The following VPS13B variants were observed in gnomAD, a reference collection of about 807,000 sequenced individuals.
The protein encoded by VPS13B is intermembrane lipid transfer protein VPS13B.
Under a neutral mutation model 426.4 loss-of-function variants are expected in VPS13B, and 285 were observed. That is an observed-to-expected ratio of 0.67 (90% CI 0.61 to 0.74). VPS13B has a LOEUF of 0.74. Among genes scored for constraint, VPS13B ranks in the 30% least tolerant of loss-of-function variants. The probability of loss-of-function intolerance (pLI) is 0.00; values close to 1 mark genes in which losing one functional copy is unlikely to be tolerated. For synonymous variants in VPS13B, 1,676 were observed against 1,676.4 expected, an observed-to-expected ratio of 1.00 and a Z score of 0.01; for missense variants, 4,537 against 4,782.6, an observed-to-expected ratio of 0.95 and a Z score of 1.51.
At chr8:99,355,613 A>G (rs1240605786) in intron 19 of VPS13B, among the ~76,000 whole-genome samples, 1 of 152,040 alleles carries the variant, frequency 6.6e-6, no homozygotes. Context: ...CCAACCAACA[A>G]AAAACCCTAC....
chr8:99,533,035 G>C (rs1437402889), intron 30 of VPS13B, among the ~76,000 whole-genome samples: 2 of 150,896 alleles, frequency 1.3e-5, no homozygotes, highest in Non-Finnish European at 3.0e-5. Flanking sequence ...CACCTCCCGG[G>C]TTCAAGCGAT....
Position 99,544,766 on chromosome 8 carries a change from A to G in VPS13B, c.4746-11684A>G, listed in dbSNP as rs868287242. Among the ~76,000 whole-genome samples, 3 of 152,166 alleles carry G rather than the reference A, an allele frequency of 2.0e-5. 1 individual carries two copies. In the South Asian group the frequency reaches 6.2e-4, roughly 32 times the overall value. On this transcript the variant is annotated intron_variant, in intron 30 of 61. Transcript: ENST00000357162. ...CACAAGAGGTTTATATCAACTTAAA[A>G]TCCCCAGATAATTTTCAACTTGTTT...
chr8:99,565,052 T>G (rs965600282), intron 31 of VPS13B, among the ~76,000 whole-genome samples: 4 of 152,172 alleles, frequency 2.6e-5, no homozygotes, highest in African/African-American at 9.6e-5. Context: ...ATACTAGTGC[T>G]TTAGGGGGAG....
intron 36 of VPS13B, among the ~76,000 whole-genome samples, chr8:99,706,228 T>C (rs1488174316): frequency 6.6e-6 from 1 of 152,108 alleles, no homozygotes; most frequent in Non-Finnish European, 1.5e-5. Context: ...AAATAATAAA[T>C]GTTCCTGGAT....
chr8:99,442,501 A>G lies in VPS13B; in HGVS notation c.3311A>G (p.Tyr1104Cys), dbSNP rs1817724451. 1 of 1,614,000 alleles carries G rather than the reference A, an allele frequency of 6.2e-7. No individual in the cohort carries two copies. The highest frequency in any genetic ancestry group is 1.3e-5 in the African/African-American group (1 of 75,036). ...ATTCCTGGAACAGTAAGAAGTTGGT[A>G]CCATGGACAAACCAGCATGCCGGGA... Reference protein sequence around the residue: ...GDIPGTVRSWYHGQTSMPGTL... With the variant: ...GDIPGTVRSWCHGQTSMPGTL... The change falls in exon 23 of 62, where the codon TAC becomes TGC. Residue 1104 changes from tyrosine (Y) to cysteine (C), a missense_variant. Coordinates refer to ENST00000357162, the MANE Select transcript of VPS13B (RefSeq NM_152564.5).
intron 43 of VPS13B, among the ~76,000 whole-genome samples, chr8:99,806,739 T>C (rs1471688204): frequency 6.6e-6 from 1 of 152,208 alleles, no homozygotes; most frequent in Non-Finnish European, 1.5e-5. Context: ...AAAATAGGTA[T>C]GCAAGTATTT....
chr8:99,723,043 A>G (rs934769315), intron 39 of VPS13B, among the ~76,000 whole-genome samples: 3 of 152,218 alleles, frequency 2.0e-5, no homozygotes, highest in Admixed American at 1.3e-4. Context: ...CATATTTTCT[A>G]TCTTCTCACG....
At chr8:99,823,128 G>A (rs1814473156) in intron 50 of VPS13B, among the ~76,000 whole-genome samples, 1 of 152,160 alleles carries the variant, frequency 6.6e-6, no homozygotes, top group South Asian at 2.1e-4. Context: ...TAGTGGTTAA[G>A]AGCAGCACCA....
At chr8:99,731,545 G>T (rs1833599846) in intron 39 of VPS13B, among the ~76,000 whole-genome samples, 1 of 152,168 alleles carries the variant, frequency 6.6e-6, no homozygotes, top group African/African-American at 2.4e-5. Context: ...ACCACTGGCA[G>T]TCCAGAGCTT....
At chr8:99,103,219 T>G in intron 5 of VPS13B, 99 bp downstream of exon 5, 1 of 1,388,854 alleles carries the variant, frequency 7.2e-7, no homozygotes. Flanking sequence ...TGGTAAATGT[T>G]ATCAAATCTT....
At chr8:99,330,085 A>G (rs925851162) in intron 19 of VPS13B, among the ~76,000 whole-genome samples, 5 of 151,946 alleles carry the variant, frequency 3.3e-5, no homozygotes, top group African/African-American at 1.2e-4. Context: ...TGAGATGCCT[A>G]TTTGGAGAGG....
At chr8:99,191,866 A>G (rs1813613703) in intron 16 of VPS13B, among the ~76,000 whole-genome samples, 1 of 152,152 alleles carries the variant, frequency 6.6e-6, no homozygotes, top group South Asian at 2.1e-4. Flanking sequence ...ATGAAAGTGT[A>G]CATTGAATTG....
At chr8:99,866,819 G>A (rs1302280288) in intron 58 of VPS13B, among the ~76,000 whole-genome samples, 1 of 152,248 alleles carries the variant, frequency 6.6e-6, no homozygotes, top group Non-Finnish European at 1.5e-5. Flanking sequence ...AAATGGAGTG[G>A]AGCATCAACG....
chr8:99,405,227 T>G (rs1815260134), intron 21 of VPS13B, among the ~76,000 whole-genome samples: 1 of 152,114 alleles, frequency 6.6e-6, no homozygotes, highest in Non-Finnish European at 1.5e-5. Context: ...CCTACACATC[T>G]CTACTTAGGT....
At chr8:99,493,532 C>G (rs1820727088) in intron 25 of VPS13B, among the ~76,000 whole-genome samples, 2 of 152,100 alleles carry the variant, frequency 1.3e-5, no homozygotes, top group African/African-American at 4.8e-5. Context: ...CACCTGTCGT[C>G]TGAGCACTTT....
chr8:99,542,599 G>T (rs943258858), intron 30 of VPS13B, among the ~76,000 whole-genome samples: 2 of 152,196 alleles, frequency 1.3e-5, no homozygotes, highest in Non-Finnish European at 2.9e-5. Context: ...AGATCAGACT[G>T]TGGCAGCTTT....
At chr8:99,465,132 T>C (rs1465747309) in intron 23 of VPS13B, among the ~76,000 whole-genome samples, 2 of 152,174 alleles carry the variant, frequency 1.3e-5, no homozygotes, top group East Asian at 3.9e-4. Flanking sequence ...GAATAGTATG[T>C]GGTTCTGGCC....
rs190892404 is a variant in VPS13B, at chr8:99,303,237, G to T, written c.2824+27983G>T. ...GGAGGTTGCAGTGAGCCAAGATTGC[G>T]CCACTGCACTCAGCCTGTCTCAAAA... On this transcript the variant is annotated intron_variant, in intron 19 of 61. Coordinates refer to ENST00000357162, the MANE Select transcript of VPS13B (RefSeq NM_152564.5). 7.8e-4 allele frequency among the ~76,000 whole-genome samples: 89 copies of T among 114,526 alleles called. 1 individual carries two copies. In the East Asian group the frequency reaches 0.022, roughly 28 times the overall value. The allele number at this position is 114,526 out of a possible 152,430, so 75.1% of individuals were successfully genotyped here. A position where few individuals can be genotyped will look rare whatever the true frequency, so the allele number is the denominator to read the frequency against.
rs56881588 is a variant in VPS13B at position 99,030,221 on chromosome 8, G to GTT, written c.148-8192_148-8191dup. Among the ~76,000 whole-genome samples, 181 of 123,572 alleles carry GTT rather than the reference G, an allele frequency of 1.5e-3. 1 individual carries two copies. Among genetic ancestry groups the GTT allele is most frequent in the African/African-American group, 2.8e-3 (89 of 31,636 alleles). 81.1% of individuals were successfully genotyped at this position (123,572 alleles called of 152,430 possible). A position where few individuals can be genotyped will look rare whatever the true frequency, so the allele number is the denominator to read the frequency against. ...TTCTTTTTAATTATCTGTTTTTTTT[G>GTT]TTTTTTTTTTTCGGCTAACCTGGGT... is the stretch of plus-strand genomic sequence containing the variant. On this transcript the variant is annotated intron_variant, in intron 2 of 61. Coordinates refer to ENST00000357162, the MANE Select transcript of VPS13B (RefSeq NM_152564.5).
Sources: allele counts gnomAD v4.1 joint callset (sites outside exome capture counted in the v4.1 genomes callset), GRCh38; gene constraint gnomAD v4.1.1; transcripts MANE v1.5; gene names NCBI Gene and HGNC (gene_info 2026-07-23, HGNC 2026-07-21).